The following ZNF141 variants were observed in gnomAD, a reference collection of about 807,000 sequenced individuals.
The protein encoded by ZNF141 is zinc finger protein 141.
In ZNF141, 7 loss-of-function variants were observed where a neutral mutation model predicts 11.3. The observed-to-expected ratio is 0.62, with a 90% CI of 0.35 to 1.16. ZNF141 has a LOEUF of 1.16. Ranked by LOEUF, ZNF141 falls within the 50% of genes most tolerant of loss-of-function variation. ZNF141 has a pLI of 0.02. For missense variants in ZNF141, 535 were observed against 554.0 expected (o/e 0.97, Z 0.34); for synonymous variants, 183 against 190.7 (o/e 0.96, Z 0.33).
intron 3 of ZNF141, among the ~76,000 whole-genome samples, chr4:370,982 T>G (rs1712029027): frequency 6.6e-6 from 1 of 151,926 alleles, no homozygotes; most frequent in Admixed American, 6.6e-5. Context: ...TCCACCAGCC[T>G]CGGCCTCTCA....
chr4:358,183 C>CTT (rs575102486), intron 3 of ZNF141: 4,075 of 299,768 alleles, frequency 0.014, 11 homozygotes, highest in Middle Eastern at 0.02. Context: ...GTTTCTCGTT[C>CTT]TTTTTTTTTT....
intron 3 of ZNF141, among the ~76,000 whole-genome samples, chr4:355,078 A>C (rs1167205613): frequency 1.3e-5 from 2 of 152,036 alleles, no homozygotes; most frequent in African/African-American, 4.8e-5. Context: ...TGTGTGCTCC[A>C]ATATTGGATA....
Position 376,977 on chromosome 4 carries a change from A to C in ZNF141, c.*3115A>C, listed in dbSNP as rs1560202094. Among the ~76,000 whole-genome samples the C allele has an allele frequency of 6.6e-6, 1 of 152,122 alleles. No individual in the cohort carries two copies. Among genetic ancestry groups the C allele is most frequent in the Admixed American group, 6.5e-5 (1 of 15,270 alleles). On this transcript the variant is annotated 3_prime_UTR_variant, in exon 4 of 4. Transcript: ENST00000240499. ...GTTTTCACTTCATGAAGTGTTTATT[A>C]TGTGAGCTGGTCAGAAATTATAAGA... is the stretch of plus-strand genomic sequence containing the variant.
chr4:343,833 A>G lies in ZNF141; in HGVS notation c.55A>G (p.Lys19Glu). Residue 19 changes from lysine to glutamate, a missense_variant, in exon 2 of 4, where the codon AAA becomes GAA. By Grantham distance (56) the Lys-to-Glu change is moderately conservative (BLOSUM62 1). Coordinates refer to ENST00000240499, the MANE Select transcript of ZNF141 (RefSeq NM_003441.4). ...CATAGAATTCTCTCCAGAAGAGTGG[A>G]AATGCCTGGACCCTGACCAGCAGAA... ...VAIEFSPEEWKCLDPDQQNLY... is the reference protein window; with the variant it reads ...VAIEFSPEEWECLDPDQQNLY... The G allele has an allele frequency of 1.9e-6, 3 of 1,609,456 alleles. No individual in the cohort carries two copies. The highest frequency in any genetic ancestry group is 2.5e-6 in the Non-Finnish European group (3 of 1,178,862).
chr4:367,527 T>G (rs1349206911), intron 3 of ZNF141, among the ~76,000 whole-genome samples: 1 of 151,818 alleles, frequency 6.6e-6, no homozygotes, highest in East Asian at 1.9e-4. Context: ...ATCTTTTTTT[T>G]TTTTTTTGAT....
At chr4:369,764 A>ATATTT in intron 3 of ZNF141, among the ~76,000 whole-genome samples, 5 of 48,724 alleles carry the variant, frequency 1.0e-4, no homozygotes, top group East Asian at 4.6e-4. Context: ...ATATATATAT[A>ATATTT]TTTTTTTTTT....
chr4:366,800 G>C (rs1388710889), intron 3 of ZNF141, among the ~76,000 whole-genome samples: 1 of 152,182 alleles, frequency 6.6e-6, no homozygotes, highest in African/African-American at 2.4e-5. Context: ...TCAGCCTCCT[G>C]AGTAGCTGGG....
intron 3 of ZNF141, among the ~76,000 whole-genome samples, chr4:348,134 A>G (rs1721428909): frequency 6.6e-6 from 1 of 152,044 alleles, no homozygotes; most frequent in South Asian, 2.1e-4. Flanking sequence ...CTGAGCCACC[A>G]CACCCAGCTG....
rs1426243046 is a variant in ZNF141 at position 378,064 on chromosome 4, C to T, written c.*4202C>T. On this transcript the variant is annotated 3_prime_UTR_variant, in exon 4 of 4. Coordinates refer to ENST00000240499, the MANE Select transcript of ZNF141 (RefSeq NM_003441.4). The stretch of plus-strand genomic sequence containing the variant: ...CCTGTAGTCCCAGCTACTCGGGAAG[C>T]TGAGGCAGGAGAATCGCTTGAACCC... 6.6e-6 allele frequency: 1 copy of T among 152,058 alleles called. No homozygotes were observed. Among genetic ancestry groups the T allele is most frequent in the African/African-American group, 2.4e-5 (1 of 41,390 alleles). The allele number at this position is 152,058 out of a possible 1,614,324, so 9.4% of individuals were successfully genotyped here.
In ZNF141 at chr4:373,791, A is replaced by T. The variant is rs782343071; in HGVS notation, c.1354A>T (p.Lys452Ter). Residue 452 changes from lysine to a stop codon, truncating the protein, a stop_gained, in exon 4 of 4, where the codon AAA becomes TAA. Transcript: ENST00000240499. LOFTEE classifies it low-confidence loss of function (END_TRUNC). ...KKIHTVDKPY[K>*]CKDCDKAFKR... is the part of the protein sequence containing the mutation. ...AATTCATACTGTAGATAAACCCTAC[A>T]AATGTAAAGATTGTGACAAAGCCTT... The T allele has an allele frequency of 6.2e-7, 1 of 1,614,174 alleles. No individual in the cohort carries two copies. The highest frequency in any genetic ancestry group is 1.1e-5 in the South Asian group (1 of 91,084).
At chr4:371,542 T>TTGTGTGTGTG (rs3037726) in intron 3 of ZNF141, among the ~76,000 whole-genome samples, 15 of 145,516 alleles carry the variant, frequency 1.0e-4, no homozygotes, top group South Asian at 2.2e-4. Flanking sequence ...TTGTGATAAT[T>TTGTGTGTGTG]TGTGTGTGTG....
rs1712471357 is a variant in ZNF141, at chr4:378,523, C to T, written c.*4661C>T. ...GACCTCATGATCTGCCTGCCTTGGCCTCCTGAAGTACTGGGATTACAGGCA... is the reference window on the plus strand; with the variant it reads ...GACCTCATGATCTGCCTGCCTTGGCTTCCTGAAGTACTGGGATTACAGGCA... On this transcript the variant is annotated 3_prime_UTR_variant, in exon 4 of 4. Transcript: ENST00000240499. 6.6e-6 allele frequency among the ~76,000 whole-genome samples: 1 copy of T among 152,110 alleles called. No homozygotes were observed. Among genetic ancestry groups the T allele is most frequent in the African/African-American group, 2.4e-5 (1 of 41,434 alleles).
At chr4:348,161 A>G (rs781804439) in intron 3 of ZNF141, among the ~76,000 whole-genome samples, 7 of 152,112 alleles carry the variant, frequency 4.6e-5, no homozygotes, top group Non-Finnish European at 1.0e-4. Context: ...AACTTATCAG[A>G]TATGGCTTGC....
At chr4:361,929 T>C (rs1188700296) in intron 3 of ZNF141, among the ~76,000 whole-genome samples, 1 of 152,238 alleles carries the variant, frequency 6.6e-6, no homozygotes, top group Non-Finnish European at 1.5e-5. Context: ...TATTTCTAGT[T>C]CTAAATCCTT....
chr4:384,042 C>T lies in ZNF141; in HGVS notation c.*10180C>T, dbSNP rs1430699056. 6.6e-6 allele frequency: 1 copy of T among 152,196 alleles called. No homozygotes were observed. Among genetic ancestry groups the T allele is most frequent in the Non-Finnish European group, 1.5e-5 (1 of 68,060 alleles). 9.4% of individuals were successfully genotyped at this position (152,196 alleles called of 1,614,324 possible). ...TTGTTCGAAATGTCAAGGACCTGGA[C>T]AGTTCACACTCACGGCCTTCCTTCT... On this transcript the variant is annotated 3_prime_UTR_variant, in exon 4 of 4. Transcript: ENST00000240499.
chr4:374,373 A>G lies in ZNF141; in HGVS notation c.*511A>G. 2.8e-6 allele frequency: 1 copy of G among 363,630 alleles called. No homozygotes were observed. Among genetic ancestry groups the G allele is most frequent in the Non-Finnish European group, 5.5e-6 (1 of 180,554 alleles). 22.5% of individuals were successfully genotyped at this position (363,630 alleles called of 1,614,324 possible). On this transcript the variant is annotated 3_prime_UTR_variant, in exon 4 of 4. Coordinates refer to ENST00000240499, the MANE Select transcript of ZNF141 (RefSeq NM_003441.4). ...AATTCATGCTGGAGCAAAATGCTTC[A>G]CATGCGAAGAATGTGGCACAGTCTT...
chr4:353,372 C>CT (rs1721693918), intron 3 of ZNF141, among the ~76,000 whole-genome samples: 1 of 90,468 alleles, frequency 1.1e-5, no homozygotes, highest in Non-Finnish European at 2.4e-5. Flanking sequence ...GAGACCCTGT[C>CT]TAAAAAAAAA....
intron 3 of ZNF141, among the ~76,000 whole-genome samples, chr4:351,234 AC>A (rs201818532): frequency 0.013 from 1,871 of 142,204 alleles, 12 homozygotes; most frequent in Middle Eastern, 0.047. Flanking sequence ...AGCCAGTTAA[AC>A]CTTTTTTTTT....
chr4:354,631 G>A (rs1553850985), intron 3 of ZNF141, among the ~76,000 whole-genome samples: 1 of 151,886 alleles, frequency 6.6e-6, no homozygotes, highest in Non-Finnish European at 1.5e-5. Flanking sequence ...TATTTTTCAA[G>A]TTTTTGAGGA....
Sources: allele counts gnomAD v4.1 joint callset (sites outside exome capture counted in the v4.1 genomes callset), GRCh38; gene constraint gnomAD v4.1.1; transcripts MANE v1.5; gene names NCBI Gene and HGNC (gene_info 2026-07-23, HGNC 2026-07-21).